Variants in PRICKLE1 observed in about 807,000 individuals in gnomAD.
PRICKLE1 encodes the protein prickle-like protein 1.
A neutral mutation model predicts 70.2 loss-of-function variants in PRICKLE1; 14 were observed. The observed-to-expected ratio is 0.20, with a 90% CI of 0.13 to 0.31. The LOEUF is 0.31. Among genes scored for constraint, PRICKLE1 ranks in the 10% least tolerant of loss-of-function variants. The pLI is 1.00. For missense variants in PRICKLE1, 821 were observed against 1,026.2 expected (o/e 0.80, Z 2.73); for synonymous variants, 357 against 379.9 (o/e 0.94, Z 0.70).
In PRICKLE1 at chr12:42,464,206, A is replaced by G. The variant is rs1470671251; in HGVS notation, c.1639+189T>C. On this transcript the variant is annotated intron_variant, in intron 7 of 7. Transcript: ENST00000345127. The surrounding 1 kb of genome is among the most constrained non-coding windows in gnomAD (Gnocchi z 4.2). ...CAGCTAATTTTTGTATTTTTAGTAGAGCCGCGGTTTCGCCATGTTGCCTGG... is the reference window on the plus strand; with the variant it reads ...CAGCTAATTTTTGTATTTTTAGTAGGGCCGCGGTTTCGCCATGTTGCCTGG... 6.6e-6 allele frequency among the ~76,000 whole-genome samples: 1 copy of G among 152,006 alleles called. No individual in the cohort carries two copies. Among genetic ancestry groups the G allele is most frequent in the Non-Finnish European group, 1.5e-5 (1 of 68,032 alleles).
chr12:42,507,784 T>C (rs1352373196), intron 1 of PRICKLE1, among the ~76,000 whole-genome samples: 2 of 152,262 alleles, frequency 1.3e-5, no homozygotes, highest in African/African-American at 2.4e-5. Context: ...AAGATGACTA[T>C]AGTCAGTCAT....
At position 42,458,169 on chromosome 12, in the gene PRICKLE1, A is replaced by C. The variant is rs926231965; in HGVS notation, c.*1640T>G. On this transcript the variant is annotated 3_prime_UTR_variant, in exon 8 of 8. Transcript: ENST00000345127. ...GGCCAAATTTTCCCCACTCCAGTCTATATGGAAAAAATAAGCCTCTGTGTC... is the reference window on the plus strand; with the variant it reads ...GGCCAAATTTTCCCCACTCCAGTCTCTATGGAAAAAATAAGCCTCTGTGTC... 2.0e-5 allele frequency: 3 copies of C among 152,150 alleles called. No homozygotes were observed. Among genetic ancestry groups the C allele is most frequent in the Non-Finnish European group, 4.4e-5 (3 of 68,026 alleles). The allele number at this position is 152,150 out of a possible 1,614,324, so 9.4% of individuals were successfully genotyped here.
chr12:42,475,457 T>C (rs974848759), intron 1 of PRICKLE1, among the ~76,000 whole-genome samples: 5 of 152,132 alleles, frequency 3.3e-5, no homozygotes, highest in African/African-American at 1.2e-4. Flanking sequence ...GTAAGTGGTC[T>C]TAGGACCGGT....
chr12:42,491,636 A>G (rs1432754658), intron 1 of PRICKLE1, among the ~76,000 whole-genome samples: 2 of 152,178 alleles, frequency 1.3e-5, no homozygotes, highest in Non-Finnish European at 2.9e-5. Context: ...TTAGGTTGGA[A>G]TGTAATCCAT....
At chr12:42,530,767 A>G (rs1939897588) in intron 1 of PRICKLE1, among the ~76,000 whole-genome samples, 1 of 139,890 alleles carries the variant, frequency 7.1e-6, no homozygotes, top group African/African-American at 2.7e-5. Context: ...GCTCACTGCA[A>G]CCTCTGCCTC....
intron 7 of PRICKLE1, among the ~76,000 whole-genome samples, chr12:42,461,386 C>A (rs1937828016): frequency 6.6e-6 from 1 of 152,240 alleles, no homozygotes; most frequent in African/African-American, 2.4e-5. Flanking sequence ...TGGTCTCCAT[C>A]ATGAGCTAGT....
intron 1 of PRICKLE1, among the ~76,000 whole-genome samples, chr12:42,563,125 G>A (rs1940547977): frequency 6.6e-6 from 1 of 151,854 alleles, no homozygotes; most frequent in South Asian, 2.1e-4. Flanking sequence ...GGAGGTTGCA[G>A]TGAACCGAGA....
intron 1 of PRICKLE1, among the ~76,000 whole-genome samples, chr12:42,583,823 C>T (rs1940943295): frequency 2.0e-5 from 3 of 152,160 alleles, no homozygotes; most frequent in Admixed American, 2.0e-4. Flanking sequence ...TATGTGAAAA[C>T]ACCTTCATTA....
At chr12:42,482,551 G>T (rs1404034101) in intron 1 of PRICKLE1, among the ~76,000 whole-genome samples, 2 of 152,184 alleles carry the variant, frequency 1.3e-5, no homozygotes, top group Non-Finnish European at 2.9e-5. Flanking sequence ...CTCAGGTTTC[G>T]CCCCGTCACC....
intron 1 of PRICKLE1, among the ~76,000 whole-genome samples, chr12:42,553,880 A>T (rs776062663): frequency 7.2e-5 from 11 of 152,144 alleles, no homozygotes; most frequent in Non-Finnish European, 4.4e-5. Flanking sequence ...AGACGGGCGG[A>T]TCACCTGAGG....
At chr12:42,546,087 T>C (rs1940207891) in intron 1 of PRICKLE1, among the ~76,000 whole-genome samples, 1 of 152,070 alleles carries the variant, frequency 6.6e-6, no homozygotes, top group African/African-American at 2.4e-5. Context: ...ATAGGAGATC[T>C]TCCCTGGAGT....
rs530545890 is a variant in PRICKLE1 at position 42,508,612 on chromosome 12, C to CAT, written c.-48-36050_-48-36049dup. On this transcript the variant is annotated intron_variant, in intron 1 of 7. Coordinates refer to ENST00000345127, the MANE Select transcript of PRICKLE1 (RefSeq NM_153026.3). ...TTTCTTAGAGGTAAAAGAAAAAATA[C>CAT]ATATATATATGAAAAGAAATTTGCT... Among the ~76,000 whole-genome samples the CAT allele has an allele frequency of 4.7e-3, 716 of 152,120 alleles. 1 individual carries two copies. Among genetic ancestry groups the CAT allele is most frequent in the Non-Finnish European group, 6.9e-3 (470 of 68,000 alleles).
At chr12:42,553,044 C>T (rs1940347373) in intron 1 of PRICKLE1, among the ~76,000 whole-genome samples, 1 of 152,204 alleles carries the variant, frequency 6.6e-6, no homozygotes, top group South Asian at 2.1e-4. Flanking sequence ...GCTGTGCGGC[C>T]CGGTTCCTAA....
At chr12:42,564,906 C>A (rs1940596110) in intron 1 of PRICKLE1, among the ~76,000 whole-genome samples, 1 of 152,204 alleles carries the variant, frequency 6.6e-6, no homozygotes, top group Non-Finnish European at 1.5e-5. Context: ...GATTAACTTG[C>A]ATTTAATTTG....
At position 42,584,758 on chromosome 12, in the gene PRICKLE1, G is replaced by C. The variant is rs896392667; in HGVS notation, c.-49+4707C>G. 2.0e-5 allele frequency among the ~76,000 whole-genome samples: 3 copies of C among 152,298 alleles called. No individual in the cohort carries two copies. In the South Asian group the frequency reaches 6.2e-4, roughly 32 times the overall value. On this transcript the variant is annotated intron_variant, in intron 1 of 7. Transcript: ENST00000345127. ...GTTACCAAAGTCAAAGACCATAATT[G>C]CAAGCCCAGGGATCTCTGCCTCAGA...
intron 1 of PRICKLE1, among the ~76,000 whole-genome samples, chr12:42,494,132 TGA>T (rs756665686): frequency 2.0e-4 from 31 of 152,368 alleles, no homozygotes; most frequent in Middle Eastern, 6.8e-3. Context: ...AATGATCATC[TGA>T]GCCTTCAGTA....
chr12:42,519,353 T>C (rs1460452001), intron 1 of PRICKLE1, among the ~76,000 whole-genome samples: 1 of 152,002 alleles, frequency 6.6e-6, no homozygotes, highest in Non-Finnish European at 1.5e-5. Flanking sequence ...TGTGCCACCA[T>C]GCCCGGCTAA....
In PRICKLE1 at chr12:42,589,102, A is replaced by T. The variant is rs548587005; in HGVS notation, c.-49+363T>A. The T allele has an allele frequency of 1.3e-5, 2 of 152,352 alleles. No homozygotes were observed. The highest frequency in any genetic ancestry group is 4.1e-4 in the South Asian group (2 of 4,830). 9.4% of individuals were successfully genotyped at this position (152,352 alleles called of 1,614,324 possible). ...ACAGGCGATCCTAAGCGGCGGGAAC[A>T]CGCCAACGCACCCTCGCCTCCCGGC... On this transcript the variant is annotated intron_variant, in intron 1 of 7. Transcript: ENST00000345127. This position sits in a 1 kb window ranked among gnomAD's most constrained non-coding sequence, Gnocchi z 5.0.
rs550368369 is a variant in PRICKLE1, at chr12:42,548,536, C to CT, written c.-49+40928dup. Among the ~76,000 whole-genome samples the CT allele has an allele frequency of 6.2e-4, 95 of 152,296 alleles. 1 individual carries two copies. Among genetic ancestry groups the CT allele is most frequent in the South Asian group, 5.4e-3 (26 of 4,824 alleles). On this transcript the variant is annotated intron_variant, in intron 1 of 7. Coordinates refer to ENST00000345127, the MANE Select transcript of PRICKLE1 (RefSeq NM_153026.3). ...AAGGCATCTATGCACACTGGAATAA[C>CT]TAACTTCACAAGTAGCAAATGCTAA...
Sources: allele counts gnomAD v4.1 joint callset (sites outside exome capture counted in the v4.1 genomes callset), GRCh38; gene constraint gnomAD v4.1.1; non-coding constraint Gnocchi (gnomAD v3.1); transcripts MANE v1.5; gene names NCBI Gene and HGNC (gene_info 2026-07-23, HGNC 2026-07-21).